The following RIMS1 variants were observed in gnomAD, a reference collection of about 807,000 sequenced individuals.
RIMS1 encodes regulating synaptic membrane exocytosis 1, also known as regulating synaptic membrane exocytosis protein 1.
Under a neutral mutation model 214.1 loss-of-function variants are expected in RIMS1, and 83 were observed. The observed-to-expected ratio is 0.39, with a 90% confidence interval of 0.32 to 0.47. The LOEUF (loss-of-function observed/expected upper bound fraction) is 0.47. RIMS1 is among the 20% of genes least tolerant of loss of function. The pLI is 0.99. For missense variants in RIMS1, 2,050 were observed against 2,161.8 expected, an observed-to-expected ratio of 0.95 and a Z score of 1.03; for synonymous variants, 793 against 786.8, an observed-to-expected ratio of 1.01 and a Z score of -0.13.
chr6:72,200,154 C>A (rs1251098200), intron 6 of RIMS1, among the ~76,000 whole-genome samples: 1 of 152,092 alleles, frequency 6.6e-6, no homozygotes, highest in Non-Finnish European at 1.5e-5. Context: ...TTTTAGCAAT[C>A]AGAACATCAA....
chr6:71,991,784 C>T (rs1435333969), intron 2 of RIMS1, among the ~76,000 whole-genome samples: 3 of 152,272 alleles, frequency 2.0e-5, no homozygotes, highest in South Asian at 4.1e-4. Context: ...ATAAAATAGG[C>T]CGGGCCCAGT....
intron 2 of RIMS1, among the ~76,000 whole-genome samples, chr6:72,008,050 A>G (rs1043091263): frequency 7.2e-5 from 11 of 152,334 alleles, no homozygotes; most frequent in Non-Finnish European, 1.0e-4. Flanking sequence ...AATGAAGGAA[A>G]AAATGTTAAG....
chr6:72,260,643 A>G (rs2077557538), intron 18 of RIMS1, 62 bp from the exon 19 acceptor site: 1 of 1,595,138 alleles, frequency 6.3e-7, no homozygotes, highest in African/African-American at 1.3e-5. Flanking sequence ...TTGGCATACC[A>G]TTGGCATAAC....
intron 29 of RIMS1, among the ~76,000 whole-genome samples, chr6:72,346,153 A>C (rs1564353727): frequency 6.6e-6 from 1 of 151,824 alleles, no homozygotes; most frequent in East Asian, 1.9e-4. Context: ...TAAATGTTTT[A>C]AACAATTTAG....
chr6:72,121,628 A>G (rs1376213615), intron 4 of RIMS1, among the ~76,000 whole-genome samples: 1 of 151,784 alleles, frequency 6.6e-6, no homozygotes, highest in Non-Finnish European at 1.5e-5. Flanking sequence ...TCTTTTCCTA[A>G]TTGAATACCC....
At chr6:72,065,105 C>T (rs1455720613) in intron 2 of RIMS1, among the ~76,000 whole-genome samples, 2 of 152,158 alleles carry the variant, frequency 1.3e-5, no homozygotes, top group African/African-American at 4.8e-5. Context: ...GATTAGAGAA[C>T]ATGTCCTGGT....
In RIMS1 at chr6:72,072,067, G is replaced by A. The variant is rs182076120; in HGVS notation, c.246-24882G>A. Among the ~76,000 whole-genome samples, 6 of 152,294 alleles carry A rather than the reference G, an allele frequency of 3.9e-5. No individual in the cohort carries two copies. In the East Asian group the frequency reaches 1.2e-3, roughly 29 times the overall value. Reference sequence around the variant, plus strand: ...AAGATGGAATTATATGCCTCACAAGGTGATTCCCTTATCTCCCTTGAAGGT... The same window carrying A: ...AAGATGGAATTATATGCCTCACAAGATGATTCCCTTATCTCCCTTGAAGGT... On this transcript the variant is annotated intron_variant, in intron 2 of 33. Coordinates refer to ENST00000521978, the MANE Select transcript of RIMS1 (RefSeq NM_014989.7).
chr6:71,907,778 T>C (rs1775691208), intron 1 of RIMS1, among the ~76,000 whole-genome samples: 1 of 152,110 alleles, frequency 6.6e-6, no homozygotes, highest in African/African-American at 2.4e-5. Context: ...CATGAGAAAA[T>C]CAAGTGCATG....
At chr6:72,086,327 A>G (rs1834646888) in intron 2 of RIMS1, among the ~76,000 whole-genome samples, 2 of 152,130 alleles carry the variant, frequency 1.3e-5, no homozygotes, top group Admixed American at 1.3e-4. Context: ...TGAAAAATTC[A>G]CCTAAGTAAA....
chr6:72,296,178 T>A (rs908350973), intron 26 of RIMS1, among the ~76,000 whole-genome samples: 2 of 151,864 alleles, frequency 1.3e-5, no homozygotes, highest in Non-Finnish European at 1.5e-5. Context: ...TAATGTTTTT[T>A]AAAAATTTTA....
chr6:71,892,506 G>C (rs1271711799), intron 1 of RIMS1, among the ~76,000 whole-genome samples: 1 of 152,030 alleles, frequency 6.6e-6, no homozygotes, highest in Non-Finnish European at 1.5e-5. Context: ...GGACTCTCCA[G>C]AACTGTCTGG....
At chr6:72,231,456 T>G (rs1211355590) in intron 6 of RIMS1, among the ~76,000 whole-genome samples, 1 of 151,660 alleles carries the variant, frequency 6.6e-6, no homozygotes, top group Non-Finnish European at 1.5e-5. Context: ...TACATTTACA[T>G]TTGTTAGCAA....
intron 1 of RIMS1, among the ~76,000 whole-genome samples, chr6:71,921,194 C>T (rs1167860874): frequency 6.6e-6 from 1 of 152,120 alleles, no homozygotes; most frequent in Non-Finnish European, 1.5e-5. Flanking sequence ...AGTCTCAGCT[C>T]ACTGCAACCT....
In RIMS1 at chr6:72,265,050, C is replaced by T; in HGVS notation, c.3192C>T (p.Tyr1064=). The T allele has an allele frequency of 6.4e-7, 1 of 1,570,734 alleles. No individual in the cohort carries two copies. The highest frequency in any genetic ancestry group is 8.7e-7 in the Non-Finnish European group (1 of 1,149,282). ...AGAGCAGTTCTCACTGGAATATTTA[C>T]AGGTAAGAGCCCTAACAGTGAGTCC... ...LLQSSSHWNI[Y]SSILPAHTKT... The change falls in exon 20 of 34, where the codon TAC becomes TAT. Residue 1064 remains tyrosine, a splice_region_variant and synonymous_variant. Coordinates refer to ENST00000521978, the MANE Select transcript of RIMS1 (RefSeq NM_014989.7).
intron 4 of RIMS1, among the ~76,000 whole-genome samples, chr6:72,121,973 A>G (rs559636001): frequency 2.0e-5 from 3 of 151,874 alleles, no homozygotes; most frequent in African/African-American, 7.2e-5. Flanking sequence ...TTGCATATGT[A>G]GAACCAGCCT....
chr6:72,247,850 A>G (rs866070015), intron 11 of RIMS1, among the ~76,000 whole-genome samples, 165 bp from the exon 12 acceptor site: 2 of 152,164 alleles, frequency 1.3e-5, no homozygotes, highest in Non-Finnish European at 2.9e-5. Context: ...TATCATTCTT[A>G]ATATTTTTTA....
At chr6:72,219,788 A>G (rs1441476109) in intron 6 of RIMS1, among the ~76,000 whole-genome samples, 1 of 151,744 alleles carries the variant, frequency 6.6e-6, no homozygotes, top group Admixed American at 6.6e-5. Flanking sequence ...TCAAATTGCA[A>G]CAACTTTTTT....
chr6:72,251,402 AT>A, intron 15 of RIMS1, 34 bp downstream of exon 15: 1 of 1,480,856 alleles, frequency 6.8e-7, no homozygotes. Flanking sequence ...CCACAAAGTA[AT>A]TATGCTGTAA....
intron 22 of RIMS1, among the ~76,000 whole-genome samples, chr6:72,271,286 A>AAAATATATATATATATATAT (rs1417580438): frequency 2.7e-4 from 12 of 44,388 alleles, no homozygotes; most frequent in Non-Finnish European, 4.1e-4. Flanking sequence ...AAAAAAAAAA[A>AAAATATATATATATATATAT]ATATATATAT....
Sources: allele counts gnomAD v4.1 joint callset (sites outside exome capture counted in the v4.1 genomes callset), GRCh38; gene constraint gnomAD v4.1.1; transcripts MANE v1.5; gene names NCBI Gene and HGNC (gene_info 2026-07-23, HGNC 2026-07-21).